XNDC1N: variants seen among roughly 807,000 people sequenced by gnomAD.
XNDC1N encodes protein XNDC1N.
chr11:71,924,082 A>C, the XNDC1N span, among the ~76,000 whole-genome samples: 1 of 152,264 alleles, frequency 6.6e-6, no homozygotes, highest in African/African-American at 2.4e-5. Context: ...AGCCTAGTAC[A>C]TAGTAAGGAT....
At chr11:71,897,061 C>G in the XNDC1N span, among the ~76,000 whole-genome samples, 1 of 152,134 alleles carries the variant, frequency 6.6e-6, no homozygotes, top group African/African-American at 2.4e-5. Flanking sequence ...TATGTCACAC[C>G]AGGTGCAAAA....
chr11:71,912,865 C>T, the XNDC1N span, among the ~76,000 whole-genome samples: 1 of 152,140 alleles, frequency 6.6e-6, no homozygotes, highest in Non-Finnish European at 1.5e-5. Context: ...GTATCATCCT[C>T]TCCCCCTTGC....
chr11:71,910,852 G>T, the XNDC1N span, among the ~76,000 whole-genome samples: 1 of 152,284 alleles, frequency 6.6e-6, no homozygotes, highest in East Asian at 1.9e-4. Flanking sequence ...TTTCTATGAG[G>T]TCACCAAGGG....
At chr11:71,883,122 T>C in the XNDC1N span, among the ~76,000 whole-genome samples, 1 of 152,208 alleles carries the variant, frequency 6.6e-6, no homozygotes, top group African/African-American at 2.4e-5. Flanking sequence ...AGATATCCTA[T>C]GTTCATGAAT....
the XNDC1N span, among the ~76,000 whole-genome samples, chr11:71,921,858 A>G: frequency 1.3e-5 from 2 of 152,120 alleles, no homozygotes; most frequent in Non-Finnish European, 2.9e-5. Context: ...AGCATTTTAT[A>G]AGGCTAAGAG....
At chr11:71,910,173 G>A in the XNDC1N span, among the ~76,000 whole-genome samples, 1 of 152,166 alleles carries the variant, frequency 6.6e-6, no homozygotes, top group East Asian at 1.9e-4. Flanking sequence ...CCTCCTGCCT[G>A]TTCCCAAGCC....
chr11:71,921,283 G>C, the XNDC1N span, among the ~76,000 whole-genome samples: 3 of 152,154 alleles, frequency 2.0e-5, no homozygotes, highest in African/African-American at 7.2e-5. Flanking sequence ...CTCCTGAGGA[G>C]CTGGGACTAC....
At chr11:71,906,501 T>A in the XNDC1N span, among the ~76,000 whole-genome samples, 3 of 152,130 alleles carry the variant, frequency 2.0e-5, no homozygotes, top group African/African-American at 7.2e-5. Context: ...AGAATGTACA[T>A]GCATTGGGAC....
the XNDC1N span, among the ~76,000 whole-genome samples, chr11:71,896,106 C>G: frequency 2.0e-5 from 3 of 152,180 alleles, no homozygotes; most frequent in South Asian, 6.2e-4. Context: ...GATGAAACCC[C>G]GTCTCCACGG....
At chr11:71,928,028 T>G in the XNDC1N span, 1 of 163,400 alleles carries the variant, frequency 6.1e-6, no homozygotes, top group Non-Finnish European at 1.3e-5. Context: ...AGGTATCGAG[T>G]TCACCGGCTG....
the XNDC1N span, chr11:71,884,406 G>T: frequency 6.3e-7 from 1 of 1,579,224 alleles, no homozygotes; most frequent in South Asian, 1.2e-5. Flanking sequence ...TCTTTTTAAA[G>T]CCAGAAGCTT....
At chr11:71,928,410 AC>A in the XNDC1N span, 1 of 696,182 alleles carries the variant, frequency 1.4e-6, no homozygotes, top group East Asian at 2.7e-5. Flanking sequence ...CGGATCTCGG[AC>A]CACCAAACCT....
At chr11:71,918,499 C>CG in the XNDC1N span, among the ~76,000 whole-genome samples, 1 of 152,138 alleles carries the variant, frequency 6.6e-6, no homozygotes, top group South Asian at 2.1e-4. Flanking sequence ...CCAGGCTGAT[C>CG]TCACACTCCT....
the XNDC1N span, among the ~76,000 whole-genome samples, chr11:71,911,852 C>G: frequency 2.0e-5 from 3 of 152,220 alleles, no homozygotes; most frequent in South Asian, 2.1e-4. Flanking sequence ...TCAGAGGCTC[C>G]AAAAGCAGCA....
At chr11:71,898,493 G>T in the XNDC1N span, among the ~76,000 whole-genome samples, 1 of 151,602 alleles carries the variant, frequency 6.6e-6, no homozygotes, top group African/African-American at 2.4e-5. Context: ...TGTAATCCCA[G>T]CTACTCGGGA....
At chr11:71,914,367 A>G in the XNDC1N span, 1 of 456,074 alleles carries the variant, frequency 2.2e-6, no homozygotes, top group Non-Finnish European at 4.4e-6. Flanking sequence ...CAGTGGAGGA[A>G]ATTAACTGCA....
At chr11:71,888,645 C>T in the XNDC1N span, among the ~76,000 whole-genome samples, 3 of 152,176 alleles carry the variant, frequency 2.0e-5, no homozygotes, top group African/African-American at 2.4e-5. Flanking sequence ...AAAGGATGGC[C>T]CCCCTGTTGG....
the XNDC1N span, among the ~76,000 whole-genome samples, chr11:71,911,373 G>A: frequency 6.6e-6 from 1 of 152,330 alleles, no homozygotes; most frequent in East Asian, 1.9e-4. Context: ...GTGTAGAAGT[G>A]TTGGACTCAA....
chr11:71,910,510 G>C, the XNDC1N span, among the ~76,000 whole-genome samples: 1 of 152,176 alleles, frequency 6.6e-6, no homozygotes, highest in East Asian at 1.9e-4. Flanking sequence ...TTTCCCAGGA[G>C]AGACCTAGGC....
Sources: gnomAD v4.1 joint callset for allele counts (sites outside exome capture counted in the v4.1 genomes callset) on GRCh38, gnomAD v4.1.1 for gene constraint, MANE v1.5 for transcripts, NCBI Gene and HGNC (gene_info 2026-07-23, HGNC 2026-07-21) for gene names.